The following SLC22A15 variants were observed in gnomAD, a reference collection of about 807,000 sequenced individuals.
SLC22A15 encodes the protein flipt 1.
SLC22A15 carries 45 observed loss-of-function variants against 62.7 expected under a neutral mutation model. The ratio of observed to expected loss-of-function variants is 0.72; its 90% CI spans 0.56 to 0.92. The LOEUF is 0.92. Among genes scored for constraint, SLC22A15 ranks in the 40% least tolerant of loss-of-function variants. SLC22A15 has a pLI of 0.00. For synonymous variants in SLC22A15, 264 were observed against 267.0 expected, an observed-to-expected ratio of 0.99 and a Z score of 0.11; for missense variants, 622 against 665.6, an observed-to-expected ratio of 0.93 and a Z score of 0.72.
At chr1:115,976,809 A>G (rs1654318877) in intron 1 of SLC22A15, 95 bp downstream of exon 1, 4 of 971,530 alleles carry the variant, frequency 4.1e-6, no homozygotes, top group Non-Finnish European at 6.1e-6. Flanking sequence ...GCCGGGGCCG[A>G]GGCCGAGGCT....
intron 1 of SLC22A15, among the ~76,000 whole-genome samples, chr1:115,978,250 G>C (rs1654417531): frequency 6.6e-6 from 1 of 151,962 alleles, no homozygotes; most frequent in Non-Finnish European, 1.5e-5. Context: ...TATTTGCCTA[G>C]CCAAGTATCC....
intron 1 of SLC22A15, 65 bp downstream of exon 1, chr1:115,976,779 TC>T: frequency 7.6e-7 from 1 of 1,307,198 alleles, no homozygotes; most frequent in Non-Finnish European, 1.1e-6. Context: ...GGGCTAGGCG[TC>T]CGCTCCCAGA....
At chr1:116,035,463 T>C in intron 7 of SLC22A15, 136 bp downstream of exon 7, 1 of 660,040 alleles carries the variant, frequency 1.5e-6, no homozygotes, top group Non-Finnish European at 2.2e-6. Context: ...GTGATTAGAG[T>C]TTCTTTCCAT....
In SLC22A15 at chr1:116,053,705, C is replaced by T. The variant is rs1300986935; in HGVS notation, c.1172-9057C>T. ...AGCCCATCAGACTAACAGCGGATCT[C>T]TTGGCAGAAACTCTACAAGCCAGAA... is the stretch of plus-strand genomic sequence containing the variant. On this transcript the variant is annotated intron_variant, in intron 8 of 11. Transcript: ENST00000369503. 3.9e-5 allele frequency among the ~76,000 whole-genome samples: 6 copies of T among 152,198 alleles called. No homozygotes were observed. In the East Asian group the frequency reaches 1.2e-3, roughly 29 times the overall value.
At chr1:116,026,641 A>G (rs1657107099) in intron 4 of SLC22A15, among the ~76,000 whole-genome samples, 2 of 152,236 alleles carry the variant, frequency 1.3e-5, no homozygotes. Context: ...CTTAAAATTT[A>G]TATATCCCCA....
chr1:116,029,337 T>C (rs1657278771), intron 5 of SLC22A15, among the ~76,000 whole-genome samples: 1 of 152,176 alleles, frequency 6.6e-6, no homozygotes, highest in Admixed American at 6.5e-5. Context: ...CCACCTTTAA[T>C]GATATTCATG....
chr1:115,992,624 C>CTTTT (rs11378927), intron 2 of SLC22A15, among the ~76,000 whole-genome samples: 1 of 137,512 alleles, frequency 7.3e-6, no homozygotes, highest in Non-Finnish European at 1.6e-5. Context: ...TTTTTCTTTT[C>CTTTT]TTTTTTTTTT....
At chr1:116,057,798 A>G (rs1388997371) in intron 8 of SLC22A15, among the ~76,000 whole-genome samples, 2 of 152,184 alleles carry the variant, frequency 1.3e-5, no homozygotes, top group East Asian at 1.9e-4. Flanking sequence ...TCAGTAAACT[A>G]TCGCAAGGAC....
chr1:116,062,700 G>T (rs1658411700), intron 8 of SLC22A15, 62 bp from the exon 9 acceptor site: 1 of 1,600,288 alleles, frequency 6.2e-7, no homozygotes, highest in Admixed American at 1.7e-5. Context: ...AAAATGAAAT[G>T]TGCCATTTAG....
intron 8 of SLC22A15, among the ~76,000 whole-genome samples, chr1:116,051,227 T>C (rs767155770): frequency 4.6e-5 from 7 of 152,130 alleles, no homozygotes; most frequent in Non-Finnish European, 8.8e-5. Context: ...AAAATTCATA[T>C]GGAACCAAAA....
At chr1:116,046,632 C>G (rs983499830) in intron 8 of SLC22A15, among the ~76,000 whole-genome samples, 1 of 152,160 alleles carries the variant, frequency 6.6e-6, no homozygotes, top group Admixed American at 6.5e-5. Context: ...AGATTGACAG[C>G]AAGAACAAAC....
At chr1:116,027,497 G>A (rs952727216) in intron 5 of SLC22A15, among the ~76,000 whole-genome samples, 1 of 152,148 alleles carries the variant, frequency 6.6e-6, no homozygotes, top group Non-Finnish European at 1.5e-5. Context: ...TCCTTAGGGT[G>A]CACGGCCTCA....
chr1:116,041,651 G>A (rs1428397587), intron 8 of SLC22A15, among the ~76,000 whole-genome samples: 1 of 152,174 alleles, frequency 6.6e-6, no homozygotes, highest in African/African-American at 2.4e-5. Context: ...TGAAGAAACA[G>A]AAATTGAAGC....
At chr1:116,056,799 A>G (rs1347043268) in intron 8 of SLC22A15, among the ~76,000 whole-genome samples, 1 of 152,210 alleles carries the variant, frequency 6.6e-6, no homozygotes, top group East Asian at 1.9e-4. Context: ...AAAACAAGAC[A>G]TGGGGAAAGG....
Position 116,062,346 on chromosome 1 carries a change from A to G in SLC22A15, c.1172-416A>G, listed in dbSNP as rs549425455. ...CTTTTCTGGAGCTTACCTCTGTCTC[A>G]TGTACTTATCAGGGCTTGTTGTGCA... On this transcript the variant is annotated intron_variant, in intron 8 of 11. Transcript: ENST00000369503. Among the ~76,000 whole-genome samples the G allele has an allele frequency of 2.6e-5, 4 of 152,256 alleles. No homozygotes were observed. The East Asian group carries it at 5.8e-4, about 22-fold the overall frequency.
chr1:116,019,752 C>T lies in SLC22A15; in HGVS notation c.433+38C>T, dbSNP rs768557869. On this transcript the variant is annotated intron_variant, in intron 3 of 11. Transcript: ENST00000369503. Reference sequence around the variant, plus strand: ...AGTATTCATAAACTGGATGAGAGGGCTTATTTCTCTAAGATTCTTAGGGAA... The same window carrying T: ...AGTATTCATAAACTGGATGAGAGGGTTTATTTCTCTAAGATTCTTAGGGAA... 19 of 1,576,210 alleles carry T rather than the reference C, an allele frequency of 1.2e-5. No homozygotes were observed. In the East Asian group the frequency reaches 4.3e-4, roughly 35 times the overall value.
At chr1:115,998,421 G>A (rs1319903213) in intron 2 of SLC22A15, among the ~76,000 whole-genome samples, 1 of 152,032 alleles carries the variant, frequency 6.6e-6, no homozygotes, top group Non-Finnish European at 1.5e-5. Flanking sequence ...TGGGTCTCTG[G>A]CATTTCTTTT....
At position 116,066,654 on chromosome 1, in the gene SLC22A15, G is replaced by T. The variant is rs1045215989; in HGVS notation, c.1500G>T (p.Ser500=). ...LETFSDLQVY[S]YRRLGEEALS... ...CATTCTCCGACCTTCAGGTGTATTC[G>T]TATCGCAGGCTGGGAGAAGAAGCAT... is the stretch of plus-strand genomic sequence containing the variant. Residue 500 remains serine, a synonymous_variant, in exon 11 of 12, where the codon TCG becomes TCT. Transcript: ENST00000369503. 7 of 1,612,654 alleles carry T rather than the reference G, an allele frequency of 4.3e-6. No individual in the cohort carries two copies. The highest frequency in any genetic ancestry group is 1.7e-5 in the Admixed American group (1 of 59,810).
chr1:115,993,304 A>G (rs980687570), intron 2 of SLC22A15, among the ~76,000 whole-genome samples: 3 of 152,148 alleles, frequency 2.0e-5, no homozygotes, highest in Non-Finnish European at 4.4e-5. Context: ...AATGGGTGGT[A>G]CAACAGGGGG....
Sources: allele counts gnomAD v4.1 joint callset (sites outside exome capture counted in the v4.1 genomes callset), GRCh38; gene constraint gnomAD v4.1.1; transcripts MANE v1.5; gene names NCBI Gene and HGNC (gene_info 2026-07-23, HGNC 2026-07-21).